QKI: variants seen among roughly 807,000 people sequenced by gnomAD.
QKI encodes the protein QKI, KH domain containing RNA binding.
In QKI, 10 loss-of-function variants were observed where a neutral mutation model predicts 39.0. The observed-to-expected ratio is 0.26, with a 90% CI of 0.16 to 0.43. The LOEUF (loss-of-function observed/expected upper bound fraction) is 0.43, where lower values mean the gene tolerates loss of function less well. Ranked by LOEUF, QKI falls within the 20% of genes least tolerant of loss-of-function variation. QKI has a pLI of 1.00. For missense variants in QKI, 218 were observed against 428.0 expected, an observed-to-expected ratio of 0.51 and a Z score of 4.33; for synonymous variants, 204 against 155.4, an observed-to-expected ratio of 1.31 and a Z score of -2.33.
chr6:163,497,603 A>G (rs142627727), intron 3 of QKI, among the ~76,000 whole-genome samples: 2,039 of 151,324 alleles, frequency 0.013, 27 homozygotes, highest in Non-Finnish European at 0.022. Flanking sequence ...TTATTACCTA[A>G]TGACCTAGGA....
intron 7 of QKI, chr6:163,570,410 GT>G: frequency 1.0e-6 from 1 of 974,276 alleles, no homozygotes; most frequent in Non-Finnish European, 1.2e-6. Context: ...TTAGTTGTTA[GT>G]TGTATTTTAT....
At position 163,448,953 on chromosome 6, in the gene QKI, A is replaced by G. The variant is rs952998166; in HGVS notation, c.143-6326A>G. Among the ~76,000 whole-genome samples, 6 of 152,136 alleles carry G rather than the reference A, an allele frequency of 3.9e-5. No individual in the cohort carries two copies. The South Asian group carries it at 8.3e-4, about 21-fold the overall frequency. On this transcript the variant is annotated intron_variant, in intron 1 of 7. Transcript: ENST00000361752. The stretch of plus-strand genomic sequence containing the variant: ...TACAGAAGAGATTGTTGTTAACCCT[A>G]AATTCATAAGGTTACACACCAGCCA...
At chr6:163,446,309 G>C (rs563511994) in intron 1 of QKI, among the ~76,000 whole-genome samples, 221 of 152,206 alleles carry the variant, frequency 1.5e-3, no homozygotes, top group Non-Finnish European at 2.4e-3. Flanking sequence ...TCAGAGACTC[G>C]TAAGAGTACA....
rs1263659545 is a variant in QKI at position 163,569,352 on chromosome 6, T to A, written c.1010-1342T>A. On this transcript the variant is annotated intron_variant, in intron 7 of 7. Transcript: ENST00000361752. The stretch of plus-strand genomic sequence containing the variant: ...ATTTTGGATCATTTAAACTGAACAT[T>A]ACACCTTCTGGGCTTTGATTTATGA... The A allele has an allele frequency of 7.5e-6, 9 of 1,205,610 alleles. No individual in the cohort carries two copies. The Admixed American group carries it at 3.0e-4, about 40-fold the overall frequency. 74.7% of individuals were successfully genotyped at this position (1,205,610 alleles called of 1,614,324 possible). A position where few individuals can be genotyped will look rare whatever the true frequency, so the allele number is the denominator to read the frequency against.
chr6:163,437,634 A>T (rs1206752480), intron 1 of QKI, among the ~76,000 whole-genome samples: 1 of 152,216 alleles, frequency 6.6e-6, no homozygotes, highest in Non-Finnish European at 1.5e-5. Context: ...TAAATTAGCC[A>T]TAGTAATGTT....
intron 3 of QKI, among the ~76,000 whole-genome samples, chr6:163,481,043 G>C (rs1476029870): frequency 1.3e-5 from 2 of 152,114 alleles, no homozygotes; most frequent in African/African-American, 2.4e-5. Context: ...ACTCTTATAA[G>C]TGTTTATAAT....
intron 1 of QKI, among the ~76,000 whole-genome samples, chr6:163,429,869 A>C (rs1278062936): frequency 6.6e-6 from 1 of 152,192 alleles, no homozygotes; most frequent in Non-Finnish European, 1.5e-5. Flanking sequence ...AAAGCTTCAA[A>C]TTCATTCCTT....
At chr6:163,485,963 T>G (rs993246801) in intron 3 of QKI, among the ~76,000 whole-genome samples, 1 of 152,222 alleles carries the variant, frequency 6.6e-6, no homozygotes, top group East Asian at 1.9e-4. Context: ...ACCTCATGTT[T>G]TAAGAAAGTT....
intron 2 of QKI, among the ~76,000 whole-genome samples, chr6:163,470,373 C>T (rs1792092714): frequency 6.6e-6 from 1 of 152,118 alleles, no homozygotes; most frequent in South Asian, 2.1e-4. Flanking sequence ...TCAAAATTGT[C>T]TATCTCAGTA....
At chr6:163,436,219 T>C (rs1204881813) in intron 1 of QKI, among the ~76,000 whole-genome samples, 1 of 152,232 alleles carries the variant, frequency 6.6e-6, no homozygotes, top group Non-Finnish European at 1.5e-5. Context: ...TTTCTCATTA[T>C]ACTTATTGAA....
intron 4 of QKI, among the ~76,000 whole-genome samples, chr6:163,539,409 C>T (rs746676085): frequency 3.3e-5 from 5 of 152,132 alleles, no homozygotes; most frequent in Non-Finnish European, 2.9e-5. Flanking sequence ...TTTCCCTCTT[C>T]AAGATTTTAT....
chr6:163,441,966 A>G (rs1789790979), intron 1 of QKI, among the ~76,000 whole-genome samples: 2 of 152,210 alleles, frequency 1.3e-5, no homozygotes, highest in South Asian at 2.1e-4. Flanking sequence ...GAGATGGGAA[A>G]TCATTAGAGC....
chr6:163,473,051 A>T (rs1792324288), intron 2 of QKI, among the ~76,000 whole-genome samples: 1 of 152,216 alleles, frequency 6.6e-6, no homozygotes, highest in Admixed American at 6.5e-5. Context: ...AAATGAAGTA[A>T]TTCAATATAT....
chr6:163,426,396 T>C (rs958449371), intron 1 of QKI, among the ~76,000 whole-genome samples: 1 of 152,250 alleles, frequency 6.6e-6, no homozygotes, highest in East Asian at 1.9e-4. Flanking sequence ...CTGTGTACTT[T>C]GTTATCTTAC....
At chr6:163,453,309 T>C (rs1488332968) in intron 1 of QKI, among the ~76,000 whole-genome samples, 1 of 152,152 alleles carries the variant, frequency 6.6e-6, no homozygotes, top group Non-Finnish European at 1.5e-5. Flanking sequence ...AAGCAAATTT[T>C]ATCTATAGTT....
intron 1 of QKI, among the ~76,000 whole-genome samples, chr6:163,445,782 T>A (rs1365079568): frequency 6.6e-6 from 1 of 152,072 alleles, no homozygotes; most frequent in African/African-American, 2.4e-5. Flanking sequence ...GCCCAGCTAA[T>A]TTTTTGTATT....
At chr6:163,481,969 A>C (rs1468244522) in intron 3 of QKI, among the ~76,000 whole-genome samples, 1 of 152,130 alleles carries the variant, frequency 6.6e-6, no homozygotes, top group Non-Finnish European at 1.5e-5. Flanking sequence ...GGAGGATCCC[A>C]GGAGTTGAAG....
intron 3 of QKI, among the ~76,000 whole-genome samples, chr6:163,521,132 C>T (rs754500469): frequency 2.6e-5 from 4 of 152,008 alleles, no homozygotes; most frequent in Admixed American, 6.6e-5. Flanking sequence ...TTTGTACCAT[C>T]TAGTATTATA....
chr6:163,537,314 A>C (rs753849281), intron 4 of QKI, among the ~76,000 whole-genome samples: 3 of 152,170 alleles, frequency 2.0e-5, no homozygotes, highest in Non-Finnish European at 2.9e-5. Context: ...TGCTCTGTAA[A>C]AGTTTGTTGT....
Sources: allele counts gnomAD v4.1 joint callset (sites outside exome capture counted in the v4.1 genomes callset), GRCh38; gene constraint gnomAD v4.1.1; transcripts MANE v1.5; gene names NCBI Gene and HGNC (gene_info 2026-07-23, HGNC 2026-07-21).